The following TMEM132B variants were observed in gnomAD, a reference collection of about 807,000 sequenced individuals.
TMEM132B encodes transmembrane protein 132B.
A neutral mutation model predicts 90.8 loss-of-function variants in TMEM132B; 18 were observed. The ratio of observed to expected loss-of-function variants is 0.20; its 90% CI spans 0.14 to 0.29. The LOEUF is 0.29. Among genes scored for constraint, TMEM132B ranks in the 10% least tolerant of loss-of-function variants. TMEM132B has a pLI of 1.00. For missense variants in TMEM132B, 1,096 were observed against 1,326.8 expected (o/e 0.83, Z 2.70); for synonymous variants, 504 against 523.3 (o/e 0.96, Z 0.50).
intron 1 of TMEM132B, among the ~76,000 whole-genome samples, chr12:125,276,543 G>C (rs543768924): frequency 2.6e-5 from 4 of 152,346 alleles, no homozygotes; most frequent in African/African-American, 7.2e-5. Flanking sequence ...GTCTGGGGGT[G>C]TCCGTCAAGG....
chr12:125,513,436 C>T (rs1047345503), intron 3 of TMEM132B, among the ~76,000 whole-genome samples: 2 of 151,982 alleles, frequency 1.3e-5, no homozygotes, highest in African/African-American at 4.8e-5. Context: ...AAGATAAAAG[C>T]CATGGAAAAG....
intron 5 of TMEM132B, among the ~76,000 whole-genome samples, chr12:125,641,892 G>A (rs941404837): frequency 1.1e-4 from 16 of 152,200 alleles, no homozygotes; most frequent in Non-Finnish European, 1.9e-4. Context: ...ACATTGGACT[G>A]AGAAAGTTCT....
chr12:125,468,123 T>C (rs1881616800), intron 3 of TMEM132B, among the ~76,000 whole-genome samples: 1 of 152,150 alleles, frequency 6.6e-6, no homozygotes, highest in South Asian at 2.1e-4. Context: ...TGCATATGTA[T>C]CTAGGAGTAC....
At chr12:125,417,970 G>T (rs1273160639) in intron 3 of TMEM132B, among the ~76,000 whole-genome samples, 2 of 152,186 alleles carry the variant, frequency 1.3e-5, no homozygotes, top group African/African-American at 4.8e-5. Flanking sequence ...TTGTTGGTGG[G>T]CAGCAGATGC....
chr12:125,476,986 G>T (rs1238116282), intron 3 of TMEM132B, among the ~76,000 whole-genome samples: 5 of 152,172 alleles, frequency 3.3e-5, no homozygotes, highest in Admixed American at 3.3e-4. Context: ...CAGATTGGTA[G>T]TTGTTGGTGG....
At chr12:125,194,445 G>A (rs990344427) in intron 1 of TMEM132B, among the ~76,000 whole-genome samples, 1 of 152,114 alleles carries the variant, frequency 6.6e-6, no homozygotes, top group African/African-American at 2.4e-5. Context: ...GGCTGCAGCC[G>A]GCACTCCTGG....
intron 3 of TMEM132B, among the ~76,000 whole-genome samples, chr12:125,466,060 C>T (rs866790017): frequency 1.3e-5 from 2 of 152,150 alleles, no homozygotes; most frequent in African/African-American, 2.4e-5. Flanking sequence ...TATAGCAACA[C>T]AAAAATGGCC....
intron 3 of TMEM132B, among the ~76,000 whole-genome samples, chr12:125,517,624 T>C (rs748987941): frequency 5.3e-5 from 8 of 152,178 alleles, no homozygotes; most frequent in Non-Finnish European, 1.0e-4. Flanking sequence ...CCCTAAACTT[T>C]TCCACAGCTG....
chr12:125,300,035 G>A (rs1425092857), intron 1 of TMEM132B, among the ~76,000 whole-genome samples: 3 of 152,190 alleles, frequency 2.0e-5, no homozygotes, highest in Non-Finnish European at 4.4e-5. Context: ...TGCGCCCTGC[G>A]TGGGCCGCCA....
intron 1 of TMEM132B, among the ~76,000 whole-genome samples, chr12:125,202,017 T>A (rs1873074741): frequency 6.6e-6 from 1 of 152,218 alleles, no homozygotes; most frequent in African/African-American, 2.4e-5. Flanking sequence ...TCCCTTGCTG[T>A]AAATCCCTGT....
At chr12:125,400,978 C>T (rs1335586469) in intron 2 of TMEM132B, among the ~76,000 whole-genome samples, 1 of 152,168 alleles carries the variant, frequency 6.6e-6, no homozygotes, top group African/African-American at 2.4e-5. Flanking sequence ...CCCCCCAGAC[C>T]TATAGCAGCA....
At chr12:125,372,048 G>C (rs1435015278) in intron 2 of TMEM132B, among the ~76,000 whole-genome samples, 1 of 152,216 alleles carries the variant, frequency 6.6e-6, no homozygotes, top group African/African-American at 2.4e-5. Flanking sequence ...TTTAAGGTTA[G>C]ATATAATTTT....
rs78970006 is a variant in TMEM132B at position 125,606,435 on chromosome 12, C to G, written c.1437+22441C>G. 1.1e-4 allele frequency among the ~76,000 whole-genome samples: 16 copies of G among 151,730 alleles called. No individual in the cohort carries two copies. The South Asian group carries it at 1.7e-3, about 16-fold the overall frequency. On this transcript the variant is annotated intron_variant, in intron 5 of 8. Transcript: ENST00000682704. ...GAATATGTGTGCACACATGAGCGTA[C>G]AGCTGTGTGCATGCTAGCTACTATG...
chr12:125,649,410 C>T (rs1886849901), intron 6 of TMEM132B, among the ~76,000 whole-genome samples: 1 of 152,224 alleles, frequency 6.6e-6, no homozygotes, highest in African/African-American at 2.4e-5. Context: ...CATGATGGGG[C>T]AGCTGGTCTG....
intron 1 of TMEM132B, among the ~76,000 whole-genome samples, chr12:125,234,214 C>G (rs1873882541): frequency 6.6e-6 from 1 of 152,160 alleles, no homozygotes. Context: ...TTTGCATCCT[C>G]CTCTTGTATC....
chr12:125,292,527 A>G (rs912522319), intron 1 of TMEM132B, among the ~76,000 whole-genome samples: 1 of 152,232 alleles, frequency 6.6e-6, no homozygotes, highest in Non-Finnish European at 1.5e-5. Flanking sequence ...AGTGACAGAA[A>G]CTCAACTCAA....
chr12:125,249,276 G>A (rs552453909), intron 1 of TMEM132B, among the ~76,000 whole-genome samples: 10 of 152,254 alleles, frequency 6.6e-5, no homozygotes, highest in African/African-American at 2.2e-4. Context: ...GTTTCTGATC[G>A]GTAGACCTGT....
intron 1 of TMEM132B, among the ~76,000 whole-genome samples, chr12:125,287,655 A>G (rs1238409008): frequency 6.6e-6 from 1 of 152,220 alleles, no homozygotes; most frequent in Admixed American, 6.5e-5. Flanking sequence ...ATGCAAAACA[A>G]AAATGAAACC....
chr12:125,209,338 C>T lies in TMEM132B; in HGVS notation c.67+22472C>T, dbSNP rs1317608546. 6.6e-6 allele frequency among the ~76,000 whole-genome samples: 1 copy of T among 152,186 alleles called. No individual in the cohort carries two copies. Among genetic ancestry groups the T allele is most frequent in the Non-Finnish European group, 1.5e-5 (1 of 68,022 alleles). On this transcript the variant is annotated intron_variant, in intron 1 of 8. Transcript: ENST00000682704. This position sits in a 1 kb window ranked among gnomAD's most constrained non-coding sequence, Gnocchi z 4.4. ...GGATGGACCGCCCCAGGGGATGGTG[C>T]AGTGGGCTTGCTGTGTACCTTTGTC...
Sources: allele counts gnomAD v4.1 joint callset (sites outside exome capture counted in the v4.1 genomes callset), GRCh38; gene constraint gnomAD v4.1.1; non-coding constraint Gnocchi (gnomAD v3.1); transcripts MANE v1.5; gene names NCBI Gene and HGNC (gene_info 2026-07-23, HGNC 2026-07-21).